Variants in DEFB123 observed in about 807,000 individuals in gnomAD.
The protein encoded by DEFB123 is beta-defensin 123.
For synonymous variants in DEFB123, 22 were observed against 28.3 expected, an observed-to-expected ratio of 0.78 and a Z score of 0.71; for missense variants, 71 against 75.0, an observed-to-expected ratio of 0.95 and a Z score of 0.20.
intron 1 of DEFB123, among the ~76,000 whole-genome samples, chr20:31,442,435 A>C (rs6059357): frequency 0.23 from 34,932 of 152,014 alleles, 4,766 homozygotes; most frequent in African/African-American, 0.36. Flanking sequence ...GAACAAAACA[A>C]GATAAGCAAA....
chr20:31,450,007 C>A, intron 1 of DEFB123, 22 bp from the exon 2 acceptor site: 1 of 1,599,332 alleles, frequency 6.3e-7, no homozygotes, highest in Non-Finnish European at 8.5e-7. Context: ...ATACTGTCTC[C>A]CTTCTTTCTG....
At chr20:31,445,062 T>C (rs897236576) in intron 1 of DEFB123, among the ~76,000 whole-genome samples, 2 of 152,242 alleles carry the variant, frequency 1.3e-5, no homozygotes, top group African/African-American at 4.8e-5. Flanking sequence ...TGAAAAAACA[T>C]AAGTCATTTG....
At chr20:31,443,334 A>G (rs1979511478) in intron 1 of DEFB123, among the ~76,000 whole-genome samples, 1 of 152,104 alleles carries the variant, frequency 6.6e-6, no homozygotes, top group African/African-American at 2.4e-5. Flanking sequence ...GAGACAAGGG[A>G]ACCTGGGGAC....
intron 1 of DEFB123, among the ~76,000 whole-genome samples, chr20:31,444,691 T>C (rs1168521950): frequency 2.6e-5 from 4 of 152,214 alleles, no homozygotes. Flanking sequence ...TATCTTTTTG[T>C]AAACTAAAAC....
chr20:31,441,801 G>A (rs1404298184), intron 1 of DEFB123, among the ~76,000 whole-genome samples: 1 of 152,188 alleles, frequency 6.6e-6, no homozygotes, highest in Non-Finnish European at 1.5e-5. Flanking sequence ...GGAGTAGGGA[G>A]GAAAGCCCAG....
chr20:31,440,899 C>T (rs527710281), intron 1 of DEFB123, 143 bp downstream of exon 1: 155 of 905,624 alleles, frequency 1.7e-4, no homozygotes, highest in Middle Eastern at 8.3e-4. Context: ...GCAGCAGGTG[C>T]CAGCTGATAG....
At chr20:31,442,156 C>A (rs1362778582) in intron 1 of DEFB123, among the ~76,000 whole-genome samples, 2 of 152,146 alleles carry the variant, frequency 1.3e-5, no homozygotes, top group Non-Finnish European at 2.9e-5. Context: ...TGACAAGGCA[C>A]ATAGGGGCTG....
intron 1 of DEFB123, among the ~76,000 whole-genome samples, chr20:31,443,514 GAGTA>G (rs1429238668): frequency 2.0e-5 from 3 of 152,258 alleles, no homozygotes; most frequent in Non-Finnish European, 4.4e-5. Context: ...AAGAGGCAGA[GAGTA>G]AGTGTCTTCT....
At position 31,449,017 on chromosome 20, in the gene DEFB123, C is replaced by T. The variant is rs533275072; in HGVS notation, c.59-1012C>T. Among the ~76,000 whole-genome samples the T allele has an allele frequency of 1.8e-4, 27 of 151,948 alleles. No homozygotes were observed. In the South Asian group the frequency reaches 5.6e-3, roughly 31 times the overall value. On this transcript the variant is annotated intron_variant, in intron 1 of 1. Transcript: ENST00000376309. ...TGCTGGGATCATAGGCTTGACCCAT[C>T]GTGCCCGGCCATGAATATTTTTTAC... is the stretch of plus-strand genomic sequence containing the variant.
rs151018166 is a variant in DEFB123, at chr20:31,448,446, G to C, written c.59-1583G>C. Among the ~76,000 whole-genome samples, 692 of 151,788 alleles carry C rather than the reference G, an allele frequency of 4.6e-3. 5 individuals carry two copies. The highest frequency in any genetic ancestry group is 0.016 in the African/African-American group (671 of 41,338). On this transcript the variant is annotated intron_variant, in intron 1 of 1. Coordinates refer to ENST00000376309, the MANE Select transcript of DEFB123 (RefSeq NM_153324.4). The stretch of plus-strand genomic sequence containing the variant: ...CATTATTACTTCAAATACTTTTCCT[G>C]CCCCTCCCCTCTCCTCTCCTTTTAG...
intron 1 of DEFB123, among the ~76,000 whole-genome samples, chr20:31,448,930 G>A (rs959298663): frequency 3.6e-5 from 5 of 140,764 alleles, no homozygotes; most frequent in Non-Finnish European, 6.0e-5. Flanking sequence ...GTTTCTCCAC[G>A]TTGGTCAGGC....
intron 1 of DEFB123, among the ~76,000 whole-genome samples, chr20:31,445,151 T>C (rs1464882114): frequency 6.6e-6 from 1 of 152,224 alleles, no homozygotes; most frequent in Non-Finnish European, 1.5e-5. Flanking sequence ...GACCTCTGCA[T>C]TTCCTGCAAA....
chr20:31,443,357 T>C, intron 1 of DEFB123, among the ~76,000 whole-genome samples: 1 of 152,204 alleles, frequency 6.6e-6, no homozygotes, highest in East Asian at 1.9e-4. Flanking sequence ...TCTGGGTCTA[T>C]TTTATTCAAC....
At chr20:31,446,694 A>G (rs1979592788) in intron 1 of DEFB123, among the ~76,000 whole-genome samples, 2 of 152,302 alleles carry the variant, frequency 1.3e-5, no homozygotes, top group South Asian at 4.1e-4. Flanking sequence ...CTCACCTCAA[A>G]TAAAAACATG....
chr20:31,441,888 AT>A (rs1314379037), intron 1 of DEFB123, among the ~76,000 whole-genome samples: 1 of 152,216 alleles, frequency 6.6e-6, no homozygotes, highest in Admixed American at 6.5e-5. Flanking sequence ...CAGAGTATCA[AT>A]TTCCTCATTT....
At chr20:31,445,457 T>C (rs1979563203) in intron 1 of DEFB123, among the ~76,000 whole-genome samples, 1 of 152,240 alleles carries the variant, frequency 6.6e-6, no homozygotes, top group Non-Finnish European at 1.5e-5. Context: ...AAAGACAGAA[T>C]ACAGGCTTGA....
intron 1 of DEFB123, among the ~76,000 whole-genome samples, chr20:31,443,892 T>C (rs1396017998): frequency 6.6e-6 from 1 of 152,172 alleles, no homozygotes; most frequent in Non-Finnish European, 1.5e-5. Flanking sequence ...AGCCTTAGCC[T>C]CCTATAGCTT....
At chr20:31,448,366 C>T (rs565573138) in intron 1 of DEFB123, among the ~76,000 whole-genome samples, 2 of 151,942 alleles carry the variant, frequency 1.3e-5, no homozygotes, top group South Asian at 4.1e-4. Flanking sequence ...TGTAGTTCAC[C>T]GAGGGTCATG....
At chr20:31,445,386 T>A (rs565416704) in intron 1 of DEFB123, among the ~76,000 whole-genome samples, 1 of 152,356 alleles carries the variant, frequency 6.6e-6, no homozygotes, top group South Asian at 2.1e-4. Flanking sequence ...GGAACAGTCA[T>A]ATGAAAAAGA....
Sources: gnomAD v4.1 joint callset for allele counts (sites outside exome capture counted in the v4.1 genomes callset) on GRCh38, gnomAD v4.1.1 for gene constraint, MANE v1.5 for transcripts, NCBI Gene and HGNC (gene_info 2026-07-23, HGNC 2026-07-21) for gene names.